Variants in RYR3 observed in about 807,000 individuals in gnomAD.
The protein encoded by RYR3 is ryanodine receptor 3, also known as brain ryanodine receptor-calcium release channel.
RYR3 carries 207 observed loss-of-function variants against 584.3 expected under a neutral mutation model. That is an observed-to-expected ratio of 0.35 (90% CI 0.32 to 0.40). RYR3 has a LOEUF of 0.40. RYR3 is among the 10% of genes least tolerant of loss of function. The pLI is 1.00. For missense variants in RYR3, 5,616 were observed against 6,089.2 expected (o/e 0.92, Z 2.59); for synonymous variants, 2,416 against 2,248.5 (o/e 1.07, Z -2.11).
intron 55 of RYR3, 87 bp from the exon 56 acceptor site, chr15:33,749,892 C>T (rs1420864472): frequency 1.8e-5 from 21 of 1,158,970 alleles, no homozygotes; most frequent in South Asian, 1.8e-4. Flanking sequence ...GTGCTTTTCC[C>T]GAGGCTGCCT....
chr15:33,861,480 CTTTTTT>C (rs34330524), intron 102 of RYR3, among the ~76,000 whole-genome samples: 3 of 148,060 alleles, frequency 2.0e-5, no homozygotes, highest in African/African-American at 7.4e-5. Flanking sequence ...TATAAATATG[CTTTTTT>C]TTTTTTAATC....
At chr15:33,554,871 A>T (rs1232387232) in intron 10 of RYR3, among the ~76,000 whole-genome samples, 1 of 152,090 alleles carries the variant, frequency 6.6e-6, no homozygotes, top group Non-Finnish European at 1.5e-5. Context: ...ACAGCATTGA[A>T]TTTTTTTCAG....
chr15:33,617,298 G>A (rs2060500268), intron 19 of RYR3, among the ~76,000 whole-genome samples: 1 of 151,970 alleles, frequency 6.6e-6, no homozygotes, highest in Admixed American at 6.5e-5. Context: ...TGTAGTCCCA[G>A]CTACTTGGGA....
At chr15:33,364,590 A>G (rs920580467) in intron 1 of RYR3, among the ~76,000 whole-genome samples, 5 of 152,210 alleles carry the variant, frequency 3.3e-5, no homozygotes, top group African/African-American at 1.2e-4. Context: ...AGGCAGATGC[A>G]TTCAATTAAA....
At chr15:33,434,013 A>G (rs901117295) in intron 1 of RYR3, among the ~76,000 whole-genome samples, 1 of 152,166 alleles carries the variant, frequency 6.6e-6, no homozygotes, top group Non-Finnish European at 1.5e-5. Context: ...ACAGCATTCC[A>G]ACTGTGGAAG....
chr15:33,547,905 G>C (rs1265839909), intron 8 of RYR3, among the ~76,000 whole-genome samples: 1 of 152,148 alleles, frequency 6.6e-6, no homozygotes, highest in Non-Finnish European at 1.5e-5. Flanking sequence ...AAATGCCCAT[G>C]ATATGGATAT....
At chr15:33,427,164 T>C (rs992292037) in intron 1 of RYR3, among the ~76,000 whole-genome samples, 3 of 152,192 alleles carry the variant, frequency 2.0e-5, no homozygotes, top group Non-Finnish European at 4.4e-5. Flanking sequence ...AGAAAGGCAC[T>C]GAACAGGGTA....
intron 1 of RYR3, among the ~76,000 whole-genome samples, chr15:33,463,778 C>T (rs975510205): frequency 1.3e-5 from 2 of 152,150 alleles, no homozygotes; most frequent in Non-Finnish European, 2.9e-5. Flanking sequence ...CAAGCTCCAA[C>T]CTCTGCCTTC....
At position 33,848,350 on chromosome 15, in the gene RYR3, C is replaced by A; in HGVS notation, c.13557C>A (p.Gly4519=). Residue 4519 remains glycine (G), a synonymous_variant, in exon 94 of 104, where the codon GGC becomes GGA. Transcript: ENST00000634891. ...TCGCCAGGAAGCTGGAGTTTGATGGCCTATATATCACCGAACAGCCATCTG... is the reference window on the plus strand; with the variant it reads ...TCGCCAGGAAGCTGGAGTTTGATGGACTATATATCACCGAACAGCCATCTG... ...KEIARKLEFD[G]LYITEQPSED... is the part of the protein sequence containing the mutation. 1 of 1,613,738 alleles carries A rather than the reference C, an allele frequency of 6.2e-7. No individual in the cohort carries two copies. Among genetic ancestry groups the A allele is most frequent in the South Asian group, 1.1e-5 (1 of 91,064 alleles).
rs370873939 is a variant in RYR3, at chr15:33,865,099, A to T, written c.14518-32A>T. 2.0e-5 allele frequency: 31 copies of T among 1,559,814 alleles called. No homozygotes were observed. The African/African-American group carries it at 3.5e-4, about 18-fold the overall frequency. On this transcript the variant is annotated intron_variant, in intron 103 of 103. Transcript: ENST00000634891. The stretch of plus-strand genomic sequence containing the variant: ...GGGTTTTAGCTTTTACTGTGGTTTA[A>T]AAATAAGCACCCGTTGTTCATATTA...
chr15:33,864,276 T>A, intron 103 of RYR3, 87 bp downstream of exon 103: 1 of 1,017,960 alleles, frequency 9.8e-7, no homozygotes. Flanking sequence ...CTGAAATACA[T>A]ACATGGCCCC....
intron 1 of RYR3, among the ~76,000 whole-genome samples, chr15:33,356,552 C>A (rs1973999619): frequency 6.6e-6 from 1 of 152,044 alleles, no homozygotes; most frequent in Non-Finnish European, 1.5e-5. Context: ...AAGAACATAT[C>A]AAAATAAACA....
chr15:33,679,590 G>A (rs2064438458), intron 38 of RYR3, among the ~76,000 whole-genome samples: 1 of 152,152 alleles, frequency 6.6e-6, no homozygotes, highest in African/African-American at 2.4e-5. Context: ...GGAATATTAA[G>A]CCACAAGTGA....
At chr15:33,559,013 C>G (rs1331686844) in intron 10 of RYR3, among the ~76,000 whole-genome samples, 2 of 152,092 alleles carry the variant, frequency 1.3e-5, no homozygotes, top group Non-Finnish European at 2.9e-5. Flanking sequence ...TCAGCAGGCT[C>G]TGGAGCATGG....
intron 2 of RYR3, among the ~76,000 whole-genome samples, chr15:33,491,923 G>T (rs2050995678): frequency 6.6e-6 from 1 of 152,146 alleles, no homozygotes; most frequent in African/African-American, 2.4e-5. Context: ...AAAGATTTGG[G>T]GAGAAGGAGA....
At chr15:33,757,700 G>C in intron 60 of RYR3, 104 bp downstream of exon 60, 1 of 1,294,428 alleles carries the variant, frequency 7.7e-7, no homozygotes, top group Non-Finnish European at 1.1e-6. Flanking sequence ...AATGAAACTG[G>C]ATGATGTTTT....
rs771819233 is a variant in RYR3, at chr15:33,838,017, T to C, written c.12037T>C (p.Cys4013Arg). The change falls in exon 89 of 104, where the codon TGT becomes CGT. Residue 4013 changes from cysteine to arginine, a missense_variant. This residue lies in a region of RYR3 where 258 missense variants were observed against 297.3 expected (regional missense o/e 0.87). Coordinates refer to ENST00000634891, the MANE Select transcript of RYR3 (RefSeq NM_001036.6). ...CATGCCAAACGATTCCCGCCTGAAG[T>C]GTCTGTTGGACCCAGCAGAAAGTGT... ...EHMPNDSRLKCLLDPAESVLN... is the reference protein window; with the variant it reads ...EHMPNDSRLKRLLDPAESVLN... 100 of 1,613,902 alleles carry C rather than the reference T, an allele frequency of 6.2e-5. 1 individual carries two copies. The East Asian group carries it at 2.1e-3, about 35-fold the overall frequency.
At chr15:33,582,902 T>C (rs1595705167) in intron 14 of RYR3, among the ~76,000 whole-genome samples, 1 of 152,232 alleles carries the variant, frequency 6.6e-6, no homozygotes, top group South Asian at 2.1e-4. Flanking sequence ...AAACCTATCA[T>C]GTGAAGGGCA....
At chr15:33,811,272 G>T (rs1268975701) in intron 72 of RYR3, among the ~76,000 whole-genome samples, 1 of 152,050 alleles carries the variant, frequency 6.6e-6, no homozygotes, top group African/African-American at 2.4e-5. Flanking sequence ...TTGGGAGGCC[G>T]AGGTGGGCGG....
Sources: allele counts gnomAD v4.1 joint callset (sites outside exome capture counted in the v4.1 genomes callset), GRCh38; gene constraint gnomAD v4.1.1; regional missense constraint gnomAD v4.1.1; transcripts MANE v1.5; gene names NCBI Gene and HGNC (gene_info 2026-07-23, HGNC 2026-07-21).